Variants in ARFGEF1 observed in about 807,000 individuals in gnomAD.
ARFGEF1 encodes brefeldin A-inhibited guanine nucleotide-exchange protein 1.
Under a neutral mutation model 231.0 loss-of-function variants are expected in ARFGEF1, and 42 were observed. That is an observed-to-expected ratio of 0.18 (90% CI 0.14 to 0.24). The LOEUF (loss-of-function observed/expected upper bound fraction) is 0.24, where lower values mean the gene tolerates loss of function less well. Ranked by LOEUF, ARFGEF1 falls within the 10% of genes least tolerant of loss-of-function variation. ARFGEF1 has a pLI of 1.00. For synonymous variants in ARFGEF1, 710 were observed against 732.3 expected (o/e 0.97, Z 0.49); for missense variants, 1,345 against 2,192.0 (o/e 0.61, Z 7.72).
At chr8:67,242,199 C>T (rs1005038247) in intron 19 of ARFGEF1, among the ~76,000 whole-genome samples, 6 of 152,130 alleles carry the variant, frequency 3.9e-5, no homozygotes, top group African/African-American at 9.7e-5. Flanking sequence ...AGGCAGTGGA[C>T]GTGGAGGATA....
chr8:67,310,378 C>T (rs1440837824), intron 1 of ARFGEF1, among the ~76,000 whole-genome samples: 12 of 152,332 alleles, frequency 7.9e-5, no homozygotes, highest in Admixed American at 4.6e-4. Context: ...GGATTGCAGA[C>T]GGAGTCTCGT....
chr8:67,299,468 A>G (rs1345336464), intron 3 of ARFGEF1, 113 bp from the exon 4 acceptor site: 1 of 989,016 alleles, frequency 1.0e-6, no homozygotes, highest in East Asian at 3.0e-5. Context: ...AAATTTTTAC[A>G]CAAAAACATA....
rs766277577 is a variant in ARFGEF1, at chr8:67,217,821, T to C, written c.4574A>G (p.Asn1525Ser). Residue 1525 changes from asparagine to serine, a missense_variant, in exon 32 of 39, where the codon AAC (asparagine) becomes AGC (serine). Asn to Ser is a conservative substitution (Grantham distance 46). This residue lies in a region of ARFGEF1 where 54 missense variants were observed against 86.5 expected (regional missense o/e 0.62). Transcript: ENST00000262215. ...GGTTTTGAAGATATCCAGTGTGCAG[T>C]TGCAAGTTTTATCCCAGATTTCTAG... ...FTLEIWDKTC[N>S]CTLDIFKTTI... The C allele has an allele frequency of 1.2e-5, 20 of 1,614,046 alleles. No individual in the cohort carries two copies. The highest frequency in any genetic ancestry group is 1.1e-4 in the East Asian group (5 of 44,850).
At chr8:67,236,681 G>A (rs970508018) in intron 22 of ARFGEF1, among the ~76,000 whole-genome samples, 3 of 152,070 alleles carry the variant, frequency 2.0e-5, no homozygotes, top group African/African-American at 7.2e-5. Context: ...GGACTGAGCA[G>A]AGAATGGTGC....
chr8:67,233,737 GCTTA>G (rs201915938), intron 22 of ARFGEF1, among the ~76,000 whole-genome samples: 2,464 of 151,832 alleles, frequency 0.016, 67 homozygotes, highest in African/African-American at 0.057. Context: ...CCTTCATTCT[GCTTA>G]CTGTTACTTA....
intron 15 of ARFGEF1, 137 bp downstream of exon 15, chr8:67,259,678 G>A (rs376867925): frequency 1.9e-6 from 1 of 535,050 alleles, no homozygotes; most frequent in African/African-American, 1.9e-5. Context: ...ACTTTGGGAG[G>A]CTGAGGCAGG....
At chr8:67,246,681 A>AT (rs1840117983) in intron 19 of ARFGEF1, among the ~76,000 whole-genome samples, 1 of 150,280 alleles carries the variant, frequency 6.7e-6, no homozygotes, top group South Asian at 2.1e-4. Context: ...AAACAACCTA[A>AT]TGATGTTTCT....
intron 14 of ARFGEF1, among the ~76,000 whole-genome samples, chr8:67,264,650 G>T (rs902744664): frequency 1.3e-5 from 2 of 152,112 alleles, no homozygotes; most frequent in Non-Finnish European, 2.9e-5. Context: ...CTGGTGTCAT[G>T]AAACAGTTGT....
chr8:67,205,788 G>GCAGAGGTTACAGTGAACCAAGAC (rs1467603962), intron 34 of ARFGEF1, among the ~76,000 whole-genome samples: 5 of 151,942 alleles, frequency 3.3e-5, no homozygotes, highest in Non-Finnish European at 7.4e-5. Flanking sequence ...AACCCAGGAG[G>GCAGAGGTTACAGTGAACCAAGAC]CAGAGGTTAC....
intron 23 of ARFGEF1, among the ~76,000 whole-genome samples, chr8:67,229,917 T>G (rs534196872): frequency 2.0e-5 from 3 of 151,922 alleles, no homozygotes; most frequent in African/African-American, 4.8e-5. Context: ...AAAGCAGAGA[T>G]AGAACCACAG....
At chr8:67,329,659 T>A (rs893298443) in intron 1 of ARFGEF1, among the ~76,000 whole-genome samples, 20 of 150,526 alleles carry the variant, frequency 1.3e-4, no homozygotes, top group African/African-American at 3.4e-4. Context: ...AAAAAAAAAA[T>A]TTTTGTTTTC....
intron 1 of ARFGEF1, among the ~76,000 whole-genome samples, chr8:67,308,127 G>C (rs1385687988): frequency 6.6e-6 from 1 of 152,200 alleles, no homozygotes; most frequent in Non-Finnish European, 1.5e-5. Context: ...GAGGATTCCA[G>C]TTCCTGGCCA....
downstream of ARFGEF1, among the ~76,000 whole-genome samples, chr8:67,196,431 T>TA (rs35376138): frequency 2.0e-5 from 3 of 152,206 alleles, no homozygotes; most frequent in East Asian, 1.9e-4. Context: ...GTGATACTTC[T>TA]AAAAAAGGAA....
At position 67,343,007 on chromosome 8, in the gene ARFGEF1, T is replaced by C. The variant is rs80285047; in HGVS notation, c.124+157A>G. Among the ~76,000 whole-genome samples the C allele has an allele frequency of 1.6e-3, 240 of 152,184 alleles. 7 individuals carry two copies. In the East Asian group the frequency reaches 0.041, roughly 26 times the overall value. On this transcript the variant is annotated intron_variant, in intron 1 of 38. Transcript: ENST00000262215. ...TCTGCCCCACATCCAGCCGAGTTCCTGTCAACTCCAGACAGGGAACAGAGG... is the reference window on the plus strand; with the variant it reads ...TCTGCCCCACATCCAGCCGAGTTCCCGTCAACTCCAGACAGGGAACAGAGG...
At chr8:67,268,976 A>C (rs1331580874) in intron 10 of ARFGEF1, among the ~76,000 whole-genome samples, 1 of 152,180 alleles carries the variant, frequency 6.6e-6, no homozygotes, top group Admixed American at 6.5e-5. Context: ...AGGGAAGAAA[A>C]AATTTTAGCT....
intron 5 of ARFGEF1, among the ~76,000 whole-genome samples, chr8:67,292,762 T>TTGTG (rs1414021495): frequency 6.6e-6 from 1 of 152,116 alleles, no homozygotes; most frequent in Non-Finnish European, 1.5e-5. Context: ...TTAGAAACAT[T>TTGTG]AACTGGGATC....
intron 22 of ARFGEF1, among the ~76,000 whole-genome samples, chr8:67,237,704 T>C (rs1454712287): frequency 6.6e-6 from 1 of 152,168 alleles, no homozygotes; most frequent in Non-Finnish European, 1.5e-5. Context: ...AAGCAGAAAT[T>C]GAATCTCGGC....
chr8:67,328,921 AT>A (rs971746694), intron 1 of ARFGEF1, among the ~76,000 whole-genome samples: 17 of 152,290 alleles, frequency 1.1e-4, no homozygotes, highest in African/African-American at 3.9e-4. Flanking sequence ...TACTGTGGTA[AT>A]TTTTTAAAAT....
In ARFGEF1 at chr8:67,318,850, G is replaced by T. The variant is rs556458559; in HGVS notation, c.125-16384C>A. ...AAATTAGGCAGGGTGGTGCATGCAT[G>T]TAGTCCCAGCTACTTGGGAGGCCAA... On this transcript the variant is annotated intron_variant, in intron 1 of 38. Coordinates refer to ENST00000262215, the MANE Select transcript of ARFGEF1 (RefSeq NM_006421.5). Among the ~76,000 whole-genome samples the T allele has an allele frequency of 9.2e-4, 140 of 152,294 alleles. 1 individual carries two copies. The highest frequency in any genetic ancestry group is 3.3e-3 in the African/African-American group (138 of 41,562).
Sources: gnomAD v4.1 joint callset for allele counts (sites outside exome capture counted in the v4.1 genomes callset) on GRCh38, gnomAD v4.1.1 for gene constraint, gnomAD v4.1.1 regional missense constraint, MANE v1.5 for transcripts, NCBI Gene and HGNC (gene_info 2026-07-23, HGNC 2026-07-21) for gene names.